Variants in MX2 observed in about 807,000 individuals in gnomAD.
MX2 encodes interferon-induced GTP-binding protein Mx2.
MX2 carries 51 observed loss-of-function variants against 74.0 expected under a neutral mutation model. The ratio of observed to expected loss-of-function variants is 0.69; its 90% CI spans 0.55 to 0.87. The LOEUF (loss-of-function observed/expected upper bound fraction) is 0.87, where lower values mean the gene tolerates loss of function less well. Among genes scored for constraint, MX2 ranks in the 40% least tolerant of loss-of-function variants. The pLI, the probability that MX2 is intolerant of heterozygous loss-of-function variation, is 0.00. For synonymous variants in MX2, 369 were observed against 339.3 expected, an observed-to-expected ratio of 1.09 and a Z score of -0.96; for missense variants, 832 against 908.7, an observed-to-expected ratio of 0.92 and a Z score of 1.09.
intron 5 of MX2, among the ~76,000 whole-genome samples, chr21:41,386,974 C>T (rs965972094): frequency 2.6e-5 from 4 of 151,790 alleles, no homozygotes; most frequent in Non-Finnish European, 5.9e-5. Flanking sequence ...CTTCAGGCTG[C>T]TAAAAACCTA....
In MX2 at chr21:41,380,264, A is replaced by C; in HGVS notation, c.577+113A>C. 2 of 1,423,328 alleles carry C rather than the reference A, an allele frequency of 1.4e-6. No homozygotes were observed. The highest frequency in any genetic ancestry group is 1.9e-6 in the Non-Finnish European group (2 of 1,046,314). The allele number at this position is 1,423,328 out of a possible 1,614,324, so 88.2% of individuals were successfully genotyped here. On this transcript the variant is annotated intron_variant, in intron 4 of 13. Transcript: ENST00000330714. This position sits in a 1 kb window ranked among gnomAD's most constrained non-coding sequence, Gnocchi z 4.3. ...CAGTGACCACTCAGCTCCTAGCCCC[A>C]TGTGCTCCCACATGGGGCTGAACCC...
At chr21:41,373,666 T>A (rs1216252388) in intron 1 of MX2, among the ~76,000 whole-genome samples, 1 of 152,042 alleles carries the variant, frequency 6.6e-6, no homozygotes, top group Admixed American at 6.5e-5. Context: ...CTCACCACCC[T>A]CTTTGCCATT....
At chr21:41,399,449 T>A in intron 10 of MX2, 112 bp downstream of exon 10, 1 of 1,169,624 alleles carries the variant, frequency 8.5e-7, no homozygotes, top group Non-Finnish European at 1.2e-6. Context: ...TCCAAGACCG[T>A]GGAACCCTTG....
At chr21:41,403,543 T>A (rs1389531952) in intron 12 of MX2, 200 bp downstream of exon 12, 2 of 752,228 alleles carry the variant, frequency 2.7e-6, no homozygotes, top group Non-Finnish European at 5.0e-6. Context: ...AGGAGGCGGC[T>A]TCACTCCCCA....
At position 41,376,979 on chromosome 21, in the gene MX2, G is replaced by C; in HGVS notation, c.73G>C (p.Glu25Gln). The C allele has an allele frequency of 5.0e-6, 8 of 1,614,076 alleles. No individual in the cohort carries two copies. The highest frequency in any genetic ancestry group is 6.8e-6 in the Non-Finnish European group (8 of 1,180,010). Residue 25 changes from glutamate to glutamine, a missense_variant, in exon 2 of 14, where the codon GAA (glutamate) becomes CAA (glutamine). Coordinates refer to ENST00000330714, the MANE Select transcript of MX2 (RefSeq NM_002463.2). ...TTCTTCTCGAAAATACCTGAAAAAA[G>C]AAATGAATTCCTTCCAGCAACAGCC... is the stretch of plus-strand genomic sequence containing the variant. ...QFSSRKYLKKEMNSFQQQPPP... is the reference protein window; with the variant it reads ...QFSSRKYLKKQMNSFQQQPPP...
intron 5 of MX2, among the ~76,000 whole-genome samples, chr21:41,389,224 G>T (rs750760343): frequency 6.6e-6 from 1 of 152,048 alleles, no homozygotes; most frequent in African/African-American, 2.4e-5. Context: ...GTTCAGAAAG[G>T]TTGCTTAAGG....
chr21:41,399,188 AT>A lies in MX2; in HGVS notation c.1273-4del. The A allele has an allele frequency of 6.2e-7, 1 of 1,613,122 alleles. No homozygotes were observed. The highest frequency in any genetic ancestry group is 8.5e-7 in the Non-Finnish European group (1 of 1,179,752). ...CCGCAAAGACTATTGACTTTATATCATTTTCAGAAAATCAAGATGTTTAATC... is the reference window on the plus strand; with the variant it reads ...CCGCAAAGACTATTGACTTTATATCATTTCAGAAAATCAAGATGTTTAATC... On this transcript the variant is annotated splice_region_variant and splice_polypyrimidine_tract_variant and intron_variant, in intron 9 of 13. Transcript: ENST00000330714.
chr21:41,377,911 C>CG lies in MX2; in HGVS notation c.376dup (p.Asp126GlyfsTer40). ...TGGCCCTGCCAGCCATCGCCGTCATCGGGGACCAGAGCTCGGGCAAGAGCT... is the reference window on the plus strand; with the variant it reads ...TGGCCCTGCCAGCCATCGCCGTCATCGGGGGACCAGAGCTCGGGCAAGAGCT... On this transcript the variant is annotated frameshift_variant, in exon 3 of 14. Coordinates refer to ENST00000330714, the MANE Select transcript of MX2 (RefSeq NM_002463.2). LOFTEE classifies it high-confidence loss of function. The CG allele has an allele frequency of 6.2e-7, 1 of 1,614,212 alleles. No homozygotes were observed. Among genetic ancestry groups the CG allele is most frequent in the South Asian group, 1.1e-5 (1 of 91,090 alleles).
At position 41,405,501 on chromosome 21, in the gene MX2, C is replaced by T. The variant is rs371965832; in HGVS notation, c.1651-1243C>T. Among the ~76,000 whole-genome samples, 61 of 152,028 alleles carry T rather than the reference C, an allele frequency of 4.0e-4. 1 individual carries two copies. In the South Asian group the frequency reaches 0.011, roughly 28 times the overall value. On this transcript the variant is annotated intron_variant, in intron 12 of 13. Transcript: ENST00000330714. ...GTGTATCCTCACACGGTGGAAAGAGCGCTCTCTGGGGTTGCTTTATAAGGG... is the reference window on the plus strand; with the variant it reads ...GTGTATCCTCACACGGTGGAAAGAGTGCTCTCTGGGGTTGCTTTATAAGGG...
chr21:41,399,207 G>A lies in MX2; in HGVS notation c.1284G>A (p.Met428Ile), dbSNP rs2089777696. The change falls in exon 10 of 14, where the codon ATG becomes ATA. Residue 428 changes from methionine to isoleucine, a missense_variant. By Grantham distance (10) the Met-to-Ile change is conservative. Transcript: ENST00000330714. ...TATATCATTTTCAGAAAATCAAGAT[G>A]TTTAATCAGGACATCGAAAAGTTAG... Reference protein sequence around the residue: ...KMFFLIEKIKMFNQDIEKLVE... With the variant: ...KMFFLIEKIKIFNQDIEKLVE... The A allele has an allele frequency of 1.9e-6, 3 of 1,613,908 alleles. No homozygotes were observed. The highest frequency in any genetic ancestry group is 2.2e-5 in the East Asian group (1 of 44,880).
At chr21:41,376,746 AG>A in intron 1 of MX2, 89 bp from the exon 2 acceptor site, 1 of 926,826 alleles carries the variant, frequency 1.1e-6, no homozygotes, top group Non-Finnish European at 1.6e-6. Flanking sequence ...GGTAGGTTGT[AG>A]GGTGGGGTGA....
At chr21:41,394,757 A>G (rs936958092) in intron 6 of MX2, among the ~76,000 whole-genome samples, 1 of 152,044 alleles carries the variant, frequency 6.6e-6, no homozygotes, top group African/African-American at 2.4e-5. Context: ...CCTGGCCAAC[A>G]TGGTGAAACC....
Position 41,401,953 on chromosome 21 carries a change from T to A in MX2, c.1415-17T>A. 6.2e-7 allele frequency: 1 copy of A among 1,608,534 alleles called. No individual in the cohort carries two copies. The highest frequency in any genetic ancestry group is 8.5e-7 in the Non-Finnish European group (1 of 1,177,214). On this transcript the variant is annotated splice_polypyrimidine_tract_variant and intron_variant, in intron 10 of 13. Coordinates refer to ENST00000330714, the MANE Select transcript of MX2 (RefSeq NM_002463.2). ...GAATTAGCAGAATTCACCATGGAGG[T>A]CTGTTTGATGTTGCAGTTAAAAATA...
At chr21:41,392,193 G>A (rs1042077259) in intron 6 of MX2, among the ~76,000 whole-genome samples, 1 of 152,214 alleles carries the variant, frequency 6.6e-6, no homozygotes, top group East Asian at 1.9e-4. Context: ...AGAAAAGTGT[G>A]CTAGGCTTAA....
At chr21:41,404,659 T>A (rs1568951172) in intron 12 of MX2, 1 of 152,046 alleles carries the variant, frequency 6.6e-6, no homozygotes, top group Non-Finnish European at 1.5e-5. Flanking sequence ...ACTCAGTGAA[T>A]CTATGTGTTA....
rs138681002 is a variant in MX2 at position 41,402,092 on chromosome 21, G to A, written c.1537G>A (p.Val513Met). The change falls in exon 11 of 14, where the codon GTG (valine) becomes ATG (methionine). Residue 513 changes from valine to methionine, a missense_variant. Coordinates refer to ENST00000330714, the MANE Select transcript of MX2 (RefSeq NM_002463.2). The surrounding 1 kb of genome is among the most constrained non-coding windows in gnomAD (Gnocchi z 4.5). ...CGTGCATCAGTACATCCAGCAGCTG[G>A]TGGAGCCCGCCCTTAGCATGCTCCA... ...IIVHQYIQQLVEPALSMLQKA... is the reference protein window; with the variant it reads ...IIVHQYIQQLMEPALSMLQKA... 3.7e-6 allele frequency: 6 copies of A among 1,614,144 alleles called. No homozygotes were observed. Among genetic ancestry groups the A allele is most frequent in the Non-Finnish European group, 5.1e-6 (6 of 1,180,016 alleles).
Position 41,377,912 on chromosome 21 carries a change from G to A in MX2, c.373G>A (p.Gly125Arg), listed in dbSNP as rs527335705. The change falls in exon 3 of 14, where the codon GGG (glycine) becomes AGG (arginine). Residue 125 changes from glycine (G) to arginine (R), a missense_variant. Coordinates refer to ENST00000330714, the MANE Select transcript of MX2 (RefSeq NM_002463.2). ...DLALPAIAVI[G>R]DQSSGKSSVL... ...GGCCCTGCCAGCCATCGCCGTCATC[G>A]GGGACCAGAGCTCGGGCAAGAGCTC... 3.2e-5 allele frequency: 52 copies of A among 1,614,198 alleles called. No individual in the cohort carries two copies. The South Asian group carries it at 4.2e-4, about 13-fold the overall frequency.
chr21:41,408,140 C>T lies in MX2; in HGVS notation c.2055C>T (p.Thr685=), dbSNP rs200370361. Residue 685 remains threonine, a synonymous_variant, in exon 14 of 14, where the codon ACC becomes ACT. Coordinates refer to ENST00000330714, the MANE Select transcript of MX2 (RefSeq NM_002463.2). Reference sequence around the variant, plus strand: ...GGCTGCTTCAAGAGCAGAGTGAGACCGCTACCAAGAGAAGAATCCTTAAGG... The same window carrying T: ...GGCTGCTTCAAGAGCAGAGTGAGACTGCTACCAAGAGAAGAATCCTTAAGG... ...YSWLLQEQSE[T]ATKRRILKER... is the part of the protein sequence containing the mutation. The T allele has an allele frequency of 1.7e-5, 27 of 1,614,032 alleles. 1 individual carries two copies. Among genetic ancestry groups the T allele is most frequent in the African/African-American group, 4.0e-5 (3 of 74,892 alleles).
intron 1 of MX2, among the ~76,000 whole-genome samples, chr21:41,362,762 T>TC (rs367623128): frequency 0.45 from 55,821 of 124,970 alleles, 15,062 homozygotes; most frequent in East Asian, 0.8. Flanking sequence ...TTTTTTTTTT[T>TC]TTTTTTTTTT....
Sources: gnomAD v4.1 joint callset for allele counts (sites outside exome capture counted in the v4.1 genomes callset) on GRCh38, gnomAD v4.1.1 for gene constraint, Gnocchi (gnomAD v3.1) non-coding constraint, MANE v1.5 for transcripts, NCBI Gene and HGNC (gene_info 2026-07-23, HGNC 2026-07-21) for gene names.